The following PPFIA2 variants were observed in gnomAD, a reference collection of about 807,000 sequenced individuals.
PPFIA2 encodes the protein liprin-alpha-2.
PPFIA2 carries 46 observed loss-of-function variants against 175.5 expected under a neutral mutation model. That is an observed-to-expected ratio of 0.26 (90% confidence interval 0.21 to 0.34). PPFIA2 has a LOEUF of 0.34. Among genes scored for constraint, PPFIA2 ranks in the 10% least tolerant of loss-of-function variants. PPFIA2 has a pLI of 1.00. For synonymous variants in PPFIA2, 568 were observed against 511.4 expected, an observed-to-expected ratio of 1.11 and a Z score of -1.49; for missense variants, 1,179 against 1,506.1, an observed-to-expected ratio of 0.78 and a Z score of 3.60.
At chr12:81,352,831 T>C (rs913925508) in intron 17 of PPFIA2, among the ~76,000 whole-genome samples, 1 of 152,158 alleles carries the variant, frequency 6.6e-6, no homozygotes, top group African/African-American at 2.4e-5. Context: ...CTGGAGAAAG[T>C]TTTGCCTTTA....
intron 4 of PPFIA2, among the ~76,000 whole-genome samples, chr12:81,486,760 C>T (rs10746189): frequency 0.51 from 77,180 of 151,548 alleles, 20,116 homozygotes; most frequent in African/African-American, 0.61. Context: ...TCTTGGCTGA[C>T]AGTAATCATT....
At chr12:81,677,004 C>T (rs530498170) in intron 3 of PPFIA2, among the ~76,000 whole-genome samples, 160 bp from the exon 4 acceptor site, 1 of 152,008 alleles carries the variant, frequency 6.6e-6, no homozygotes, top group Non-Finnish European at 1.5e-5. Context: ...TACAAATAGT[C>T]TACATCTAAA....
In PPFIA2 at chr12:81,358,216, T is replaced by C; in HGVS notation, c.1639A>G (p.Thr547Ala). 1 of 1,572,178 alleles carries C rather than the reference T, an allele frequency of 6.4e-7. No homozygotes were observed. Among genetic ancestry groups the C allele is most frequent in the Non-Finnish European group, 8.6e-7 (1 of 1,159,208 alleles). ...AACTCAGCTGAGGTGTCTAGATGAG[T>C]TCTGGAAAAAAGGAAAAATATAAAA... The part of the protein sequence containing the change: ...GSLIEPTIPR[T>A]HLDTSAELRY... Residue 547 changes from threonine (T) to alanine (A), a missense_variant and splice_region_variant, in exon 16 of 33, where the codon ACT becomes GCT. By Grantham distance (58) the Thr-to-Ala change is moderately conservative. Around this residue, in one of 10 missense-constraint regions of PPFIA2, gnomAD observed 186 missense variants for 163.6 expected, o/e 1.14. Transcript: ENST00000549396.
At chr12:81,297,212 C>T (rs1316206776) in intron 23 of PPFIA2, among the ~76,000 whole-genome samples, 1 of 152,124 alleles carries the variant, frequency 6.6e-6, no homozygotes, top group East Asian at 1.9e-4. Context: ...CTGGCTGATA[C>T]CTTGATTGCA....
chr12:81,614,474 A>C (rs530677291), intron 4 of PPFIA2, among the ~76,000 whole-genome samples: 8 of 152,262 alleles, frequency 5.3e-5, no homozygotes, highest in African/African-American at 1.9e-4. Context: ...ATATGAATGG[A>C]CATTACATTC....
In PPFIA2 at chr12:81,398,610, T is replaced by C. The variant is rs1596076511; in HGVS notation, c.762+7177A>G. Among the ~76,000 whole-genome samples the C allele has an allele frequency of 3.3e-5, 5 of 152,156 alleles. 1 individual carries two copies. The Middle Eastern group carries it at 0.014, about 414-fold the overall frequency. Reference sequence around the variant, plus strand: ...TGTTACAGAGATCAAATAAAACAACTCACATAAAGGACTTTATGCTGGTTA... The same window carrying C: ...TGTTACAGAGATCAAATAAAACAACCCACATAAAGGACTTTATGCTGGTTA... On this transcript the variant is annotated intron_variant, in intron 8 of 32. Coordinates refer to ENST00000549396, the MANE Select transcript of PPFIA2 (RefSeq NM_003625.5).
At chr12:81,327,286 A>G (rs1427631747) in intron 21 of PPFIA2, among the ~76,000 whole-genome samples, 1 of 152,030 alleles carries the variant, frequency 6.6e-6, no homozygotes, top group Non-Finnish European at 1.5e-5. Flanking sequence ...CACATGTTTA[A>G]TGAATACGGG....
chr12:81,592,451 C>T (rs2058775461), intron 4 of PPFIA2, among the ~76,000 whole-genome samples: 1 of 152,074 alleles, frequency 6.6e-6, no homozygotes, highest in Non-Finnish European at 1.5e-5. Flanking sequence ...TGTCCCCATC[C>T]AAATCTCATC....
intron 3 of PPFIA2, among the ~76,000 whole-genome samples, chr12:81,678,765 G>A (rs916503808): frequency 2.4e-4 from 36 of 151,932 alleles, no homozygotes; most frequent in African/African-American, 8.4e-4. Context: ...TGTATCATTT[G>A]AGGAATGTTT....
intron 4 of PPFIA2, among the ~76,000 whole-genome samples, chr12:81,610,747 T>C (rs995261269): frequency 1.3e-5 from 2 of 152,216 alleles, no homozygotes; most frequent in African/African-American, 2.4e-5. Flanking sequence ...TCAGACTGGC[T>C]AAGAACCATT....
At chr12:81,396,238 TA>T (rs1362985585) in intron 8 of PPFIA2, among the ~76,000 whole-genome samples, 6 of 152,112 alleles carry the variant, frequency 3.9e-5, no homozygotes, top group Non-Finnish European at 8.8e-5. Context: ...CTATTCTAGG[TA>T]CCTGAGCTTC....
At chr12:81,700,641 T>C (rs920446847) in intron 3 of PPFIA2, among the ~76,000 whole-genome samples, 32 of 152,088 alleles carry the variant, frequency 2.1e-4, no homozygotes, top group African/African-American at 7.7e-4. Flanking sequence ...TTGTGCACTA[T>C]GTCTGAATTT....
At chr12:81,487,647 T>C (rs1268185837) in intron 4 of PPFIA2, among the ~76,000 whole-genome samples, 2 of 151,794 alleles carry the variant, frequency 1.3e-5, no homozygotes, top group Non-Finnish European at 2.9e-5. Context: ...TCAGCTTCCA[T>C]GGCTGATATC....
chr12:81,336,448 A>G (rs1294443265), intron 21 of PPFIA2, among the ~76,000 whole-genome samples: 1 of 152,178 alleles, frequency 6.6e-6, no homozygotes, highest in Non-Finnish European at 1.5e-5. Flanking sequence ...GATCCTTCCT[A>G]TCTGAAGTTT....
At chr12:81,616,732 A>G (rs2061452349) in intron 4 of PPFIA2, among the ~76,000 whole-genome samples, 1 of 152,186 alleles carries the variant, frequency 6.6e-6, no homozygotes, top group Non-Finnish European at 1.5e-5. Context: ...AACCATAAAT[A>G]TTAATATTTC....
At chr12:81,397,625 G>A (rs1039510868) in intron 8 of PPFIA2, among the ~76,000 whole-genome samples, 5 of 151,932 alleles carry the variant, frequency 3.3e-5, no homozygotes, top group Admixed American at 1.3e-4. Context: ...AAAATGTGGG[G>A]CCAAAAGATA....
intron 16 of PPFIA2, among the ~76,000 whole-genome samples, chr12:81,356,823 T>C (rs555524394): frequency 1.3e-5 from 2 of 152,130 alleles, no homozygotes; most frequent in Admixed American, 6.6e-5. Context: ...ACAAACATAA[T>C]GCTTGTGAAA....
chr12:81,748,713 T>C (rs1316619141), intron 3 of PPFIA2, among the ~76,000 whole-genome samples: 1 of 144,864 alleles, frequency 6.9e-6, no homozygotes, highest in Non-Finnish European at 1.5e-5. Flanking sequence ...CATATTTTTG[T>C]ATGTTATTGA....
At chr12:81,606,691 C>T (rs1039019604) in intron 4 of PPFIA2, among the ~76,000 whole-genome samples, 2 of 151,878 alleles carry the variant, frequency 1.3e-5, no homozygotes. Flanking sequence ...GATTTAAGTT[C>T]CTTAAAGATT....
Sources: gnomAD v4.1 joint callset for allele counts (sites outside exome capture counted in the v4.1 genomes callset) on GRCh38, gnomAD v4.1.1 for gene constraint, gnomAD v4.1.1 regional missense constraint, MANE v1.5 for transcripts, NCBI Gene and HGNC (gene_info 2026-07-23, HGNC 2026-07-21) for gene names.